The following UHRF2 variants were observed in gnomAD, a reference collection of about 807,000 sequenced individuals.
The protein encoded by UHRF2 is ubiquitin like with PHD and ring finger domains 2, also known as E3 ubiquitin-protein ligase UHRF2.
UHRF2 carries 23 observed loss-of-function variants against 96.8 expected under a neutral mutation model. The ratio of observed to expected loss-of-function variants is 0.24; its 90% CI spans 0.17 to 0.34. The LOEUF is 0.34. Ranked by LOEUF, UHRF2 falls within the 10% of genes least tolerant of loss-of-function variation. The pLI is 1.00. For missense variants in UHRF2, 685 were observed against 981.5 expected, an observed-to-expected ratio of 0.70 and a Z score of 4.04; for synonymous variants, 385 against 332.6, an observed-to-expected ratio of 1.16 and a Z score of -1.72.
At chr9:6,467,552 C>A (rs1822945207) in intron 4 of UHRF2, among the ~76,000 whole-genome samples, 2 of 139,834 alleles carry the variant, frequency 1.4e-5, no homozygotes, top group African/African-American at 2.7e-5. Context: ...GCACTAGTTA[C>A]AATAGATTTT....
intron 1 of UHRF2, among the ~76,000 whole-genome samples, chr9:6,418,259 C>CTTTTT (rs200084021): frequency 4.0e-5 from 5 of 124,896 alleles, no homozygotes; most frequent in African/African-American, 5.7e-5. Context: ...GAGGATGTTC[C>CTTTTT]TTTTTTTTTT....
chr9:6,504,623 A>T lies in UHRF2; in HGVS notation c.2194A>T (p.Met732Leu). 6.2e-7 allele frequency: 1 copy of T among 1,613,808 alleles called. No individual in the cohort carries two copies. The highest frequency in any genetic ancestry group is 8.5e-7 in the Non-Finnish European group (1 of 1,179,814). Residue 732 changes from methionine to leucine, a missense_variant, in exon 15 of 16, where the codon ATG becomes TTG. By Grantham distance (15) the Met-to-Leu change is conservative. This residue lies in a region of UHRF2 where 71 missense variants were observed against 114.1 expected (regional missense o/e 0.62). Transcript: ENST00000276893. Reference protein sequence around the residue: ...NFLKKLEQSFMCVCCQELVYQ... With the variant: ...NFLKKLEQSFLCVCCQELVYQ... ...TCTGAAAAAATTGGAACAATCTTTT[A>T]TGTGCGTTTGCTGTCAGGAGCTAGT...
intron 2 of UHRF2, among the ~76,000 whole-genome samples, chr9:6,426,041 T>G (rs1205967133): frequency 6.6e-6 from 1 of 152,204 alleles, no homozygotes; most frequent in Non-Finnish European, 1.5e-5. Context: ...AGGGCCAGTT[T>G]ATGTATCTGC....
At chr9:6,463,926 G>A (rs1822711617) in intron 4 of UHRF2, among the ~76,000 whole-genome samples, 1 of 152,144 alleles carries the variant, frequency 6.6e-6, no homozygotes. Flanking sequence ...ACCTATACCT[G>A]TATCCTGGCA....
chr9:6,443,377 A>G (rs1237760965), intron 3 of UHRF2, among the ~76,000 whole-genome samples: 3 of 152,222 alleles, frequency 2.0e-5, no homozygotes, highest in Admixed American at 6.5e-5. Flanking sequence ...AGTGGGAATA[A>G]CTGAGGTTTA....
chr9:6,497,524 G>A (rs1403813191), intron 11 of UHRF2, among the ~76,000 whole-genome samples, 164 bp downstream of exon 11: 1 of 151,558 alleles, frequency 6.6e-6, no homozygotes, highest in Non-Finnish European at 1.5e-5. Context: ...CTTAACTTCA[G>A]CACTTTACTT....
chr9:6,422,863 T>A (rs147997364), intron 2 of UHRF2: 1 of 389,816 alleles, frequency 2.6e-6, no homozygotes, highest in Non-Finnish European at 4.5e-6. Flanking sequence ...ATGCAATTAT[T>A]ATATATGGTT....
intron 4 of UHRF2, among the ~76,000 whole-genome samples, chr9:6,467,205 G>A (rs965669521): frequency 6.6e-6 from 1 of 152,132 alleles, no homozygotes; most frequent in African/African-American, 2.4e-5. Flanking sequence ...CCATGTTTCA[G>A]ACGCCTCCCA....
chr9:6,483,073 C>G (rs60428309), intron 8 of UHRF2, among the ~76,000 whole-genome samples: 2 of 152,062 alleles, frequency 1.3e-5, no homozygotes, highest in African/African-American at 4.8e-5. Flanking sequence ...CACCTGTAAT[C>G]TCAGCACTTT....
chr9:6,419,180 C>T (rs951730304), intron 1 of UHRF2, among the ~76,000 whole-genome samples: 2 of 152,118 alleles, frequency 1.3e-5, no homozygotes, highest in African/African-American at 4.8e-5. Context: ...TTGGCAGGGA[C>T]GCAACTTAGC....
At chr9:6,428,391 A>C (rs1296303775) in intron 2 of UHRF2, among the ~76,000 whole-genome samples, 1 of 152,114 alleles carries the variant, frequency 6.6e-6, no homozygotes, top group Non-Finnish European at 1.5e-5. Context: ...CTTCTATGGT[A>C]ATCATTTCTT....
chr9:6,468,514 G>C, intron 4 of UHRF2: 1 of 456,110 alleles, frequency 2.2e-6, no homozygotes, highest in South Asian at 1.5e-5. Flanking sequence ...CTTTGTAGTT[G>C]TGTTTTGCCC....
chr9:6,413,401 G>A lies in UHRF2; in HGVS notation c.-90G>A. ...CGCCCGCCTGCCGCTGAGGGCCCGA[G>A]CCGCAGGGAAAGCGGCGCGGGCCGG... On this transcript the variant is annotated 5_prime_UTR_variant, in exon 1 of 16. Coordinates refer to ENST00000276893, the MANE Select transcript of UHRF2 (RefSeq NM_152896.3). The A allele has an allele frequency of 8.0e-7, 1 of 1,252,526 alleles. No individual in the cohort carries two copies. The highest frequency in any genetic ancestry group is 2.9e-4 in the Middle Eastern group (1 of 3,502). 77.6% of individuals were successfully genotyped at this position (1,252,526 alleles called of 1,614,324 possible).
intron 1 of UHRF2, chr9:6,413,980 C>G (rs944930132): frequency 5.1e-6 from 1 of 194,270 alleles, no homozygotes. Context: ...GGCCTGGGGC[C>G]CCCAGAGGGC....
At chr9:6,424,278 G>A (rs184368522) in intron 2 of UHRF2, among the ~76,000 whole-genome samples, 6 of 152,294 alleles carry the variant, frequency 3.9e-5, no homozygotes, top group African/African-American at 9.6e-5. Flanking sequence ...GAATTAATGC[G>A]TGAATTAGAA....
chr9:6,506,171 G>A lies in UHRF2; in HGVS notation c.2401G>A (p.Gly801Arg). Residue 801 changes from glycine (G) to arginine (R), a missense_variant, in exon 16 of 16, where the codon GGA (glycine) becomes AGA (arginine). Transcript: ENST00000276893. ...CCTTTTCTTCCCTGGCTACAGCAAA[G>A]GACGATGATCTGCCTGCTTTCACTG... ...LDLFFPGYSK[G>R]R 6.2e-7 allele frequency: 1 copy of A among 1,614,062 alleles called. No homozygotes were observed. Among genetic ancestry groups the A allele is most frequent in the Non-Finnish European group, 8.5e-7 (1 of 1,180,002 alleles).
intron 5 of UHRF2, among the ~76,000 whole-genome samples, chr9:6,476,231 A>G (rs897472125): frequency 1.3e-5 from 2 of 152,212 alleles, no homozygotes; most frequent in Admixed American, 6.5e-5. Flanking sequence ...TTATGGCAGA[A>G]TAATATTTTA....
chr9:6,486,525 T>C (rs953207939), intron 8 of UHRF2, among the ~76,000 whole-genome samples: 1 of 152,212 alleles, frequency 6.6e-6, no homozygotes, highest in Non-Finnish European at 1.5e-5. Context: ...AGACATAAGA[T>C]GATTATTTAC....
intron 6 of UHRF2, among the ~76,000 whole-genome samples, chr9:6,481,293 C>T (rs934051566): frequency 2.6e-5 from 4 of 152,088 alleles, no homozygotes; most frequent in Non-Finnish European, 5.9e-5. Context: ...GTTGAATGTT[C>T]TAGGAAGATC....
Sources: allele counts gnomAD v4.1 joint callset (sites outside exome capture counted in the v4.1 genomes callset), GRCh38; gene constraint gnomAD v4.1.1; regional missense constraint gnomAD v4.1.1; transcripts MANE v1.5; gene names NCBI Gene and HGNC (gene_info 2026-07-23, HGNC 2026-07-21).